The following FLT1 variants were observed in gnomAD, a reference collection of about 807,000 sequenced individuals.
FLT1 encodes the protein vascular endothelial growth factor receptor 1.
Under a neutral mutation model 156.3 loss-of-function variants are expected in FLT1, and 49 were observed. The ratio of observed to expected loss-of-function variants is 0.31; its 90% CI spans 0.25 to 0.40. The LOEUF (loss-of-function observed/expected upper bound fraction) is 0.40, where lower values mean the gene tolerates loss of function less well. Ranked by LOEUF, FLT1 falls within the 10% of genes least tolerant of loss-of-function variation. The probability of loss-of-function intolerance (pLI) is 1.00; values close to 1 mark genes in which losing one functional copy is unlikely to be tolerated. For synonymous variants in FLT1, 594 were observed against 583.8 expected, an observed-to-expected ratio of 1.02 and a Z score of -0.25; for missense variants, 1,322 against 1,637.2, an observed-to-expected ratio of 0.81 and a Z score of 3.32.
chr13:28,326,143 A>T (rs1871670478), intron 20 of FLT1, among the ~76,000 whole-genome samples: 1 of 152,232 alleles, frequency 6.6e-6, no homozygotes, highest in African/African-American at 2.4e-5. Flanking sequence ...AGTGGTGGTG[A>T]CAGTGATGAT....
intron 14 of FLT1, among the ~76,000 whole-genome samples, chr13:28,361,729 A>G (rs1224203235): frequency 6.6e-6 from 1 of 152,238 alleles, no homozygotes; most frequent in African/African-American, 2.4e-5. Context: ...ATAGATGAAA[A>G]TGATTGTTTT....
At position 28,345,470 on chromosome 13, in the gene FLT1, G is replaced by T; in HGVS notation, c.2330C>A (p.Thr777Asn). The T allele has an allele frequency of 1.2e-6, 2 of 1,610,804 alleles. No homozygotes were observed. Among genetic ancestry groups the T allele is most frequent in the Non-Finnish European group, 1.7e-6 (2 of 1,177,362 alleles). The change falls in exon 16 of 30, where the codon ACC becomes AAC. Residue 777 changes from threonine (T) to asparagine (N), a missense_variant. Thr to Asn is a moderately conservative substitution (Grantham distance 65). This residue lies in a region of FLT1 where 991 missense variants were observed against 1,254.8 expected (regional missense o/e 0.79). Transcript: ENST00000282397. ...CCTTTTCATTTTTCGGATAAAGAGGGTTAATAGGAGCCAGAAGAGAGTCGC... is the reference window on the plus strand; with the variant it reads ...CCTTTTCATTTTTCGGATAAAGAGGTTTAATAGGAGCCAGAAGAGAGTCGC... ...VAATLFWLLL[T>N]LFIRKMKRSS...
chr13:28,411,588 A>G (rs1876191824), intron 10 of FLT1, among the ~76,000 whole-genome samples: 1 of 150,458 alleles, frequency 6.6e-6, no homozygotes. Flanking sequence ...AAATAAAACC[A>G]TCCAATATTT....
intron 7 of FLT1, among the ~76,000 whole-genome samples, chr13:28,430,844 T>G: frequency 6.6e-6 from 1 of 152,356 alleles, no homozygotes. Flanking sequence ...CTTTTTCTGT[T>G]TTGTTTATAC....
chr13:28,332,540 A>G (rs1871971192), intron 18 of FLT1, among the ~76,000 whole-genome samples: 1 of 152,126 alleles, frequency 6.6e-6, no homozygotes, highest in Non-Finnish European at 1.5e-5. Flanking sequence ...GATCATCTTC[A>G]GGGTTTTGGA....
intron 13 of FLT1, 72 bp downstream of exon 13, chr13:28,389,724 T>G (rs1874585692): frequency 1.2e-6 from 2 of 1,612,270 alleles, no homozygotes; most frequent in Admixed American, 1.7e-5. Flanking sequence ...TTACTTTGTG[T>G]GGTACAATCA....
At chr13:28,385,359 T>C (rs1186158448) in intron 13 of FLT1, among the ~76,000 whole-genome samples, 1 of 152,220 alleles carries the variant, frequency 6.6e-6, no homozygotes, top group African/African-American at 2.4e-5. Flanking sequence ...GCATAATAGT[T>C]TAGAAGCTAT....
At position 28,317,865 on chromosome 13, in the gene FLT1, G is replaced by A. The variant is rs527410101; in HGVS notation, c.3287-268C>T. On this transcript the variant is annotated intron_variant, in intron 24 of 29. Transcript: ENST00000282397. ...TCCTATGGCTACTTCTGCCTGTGTGGTCAGAGGAAGGGGTGTCGTCTGAAG... is the reference window on the plus strand; with the variant it reads ...TCCTATGGCTACTTCTGCCTGTGTGATCAGAGGAAGGGGTGTCGTCTGAAG... Among the ~76,000 whole-genome samples the A allele has an allele frequency of 1.5e-4, 23 of 152,324 alleles. 1 individual carries two copies. Among genetic ancestry groups the A allele is most frequent in the Middle Eastern group, 6.8e-3 (2 of 294 alleles).
intron 19 of FLT1, among the ~76,000 whole-genome samples, chr13:28,328,617 C>G (rs1871790275): frequency 6.6e-6 from 1 of 152,244 alleles, no homozygotes; most frequent in Non-Finnish European, 1.5e-5. Context: ...CATCTTCCCC[C>G]TAGGTTCCAG....
Position 28,439,676 on chromosome 13 carries a change from G to A in FLT1, c.389-1331C>T, listed in dbSNP as rs1275019523. Reference sequence around the variant, plus strand: ...CCTTGTAAGAAGGCAGTCATGTGAAGACAGACAGGGTGTGCAGACTCGCAC... The same window carrying A: ...CCTTGTAAGAAGGCAGTCATGTGAAAACAGACAGGGTGTGCAGACTCGCAC... On this transcript the variant is annotated intron_variant, in intron 3 of 29. Transcript: ENST00000282397. The surrounding 1 kb of genome is among the most constrained non-coding windows in gnomAD (Gnocchi z 4.1). Among the ~76,000 whole-genome samples, 1 of 152,250 alleles carries A rather than the reference G, an allele frequency of 6.6e-6. No homozygotes were observed. Among genetic ancestry groups the A allele is most frequent in the African/African-American group, 2.4e-5 (1 of 41,474 alleles).
intron 1 of FLT1, among the ~76,000 whole-genome samples, chr13:28,490,873 T>C (rs1881433846): frequency 6.6e-6 from 1 of 152,192 alleles, no homozygotes; most frequent in Admixed American, 6.5e-5. Flanking sequence ...AACTGTGAGA[T>C]CCAAACCAAG....
chr13:28,375,074 G>A (rs559185741), intron 14 of FLT1, among the ~76,000 whole-genome samples: 1 of 152,290 alleles, frequency 6.6e-6, no homozygotes, highest in African/African-American at 2.4e-5. Context: ...AATGCATCCA[G>A]GAAATTTTCT....
At chr13:28,450,617 A>G (rs1878877980) in intron 3 of FLT1, among the ~76,000 whole-genome samples, 2 of 152,170 alleles carry the variant, frequency 1.3e-5, no homozygotes, top group South Asian at 2.1e-4. Context: ...CTAATGGATT[A>G]CTATAAATCT....
chr13:28,309,838 T>C (rs1268463718), intron 27 of FLT1, among the ~76,000 whole-genome samples: 2 of 151,806 alleles, frequency 1.3e-5, no homozygotes, highest in Admixed American at 1.3e-4. Flanking sequence ...GCCCACTGGG[T>C]TTCTTTGAGG....
At chr13:28,306,373 TG>T (rs1431681631) in intron 29 of FLT1, among the ~76,000 whole-genome samples, 1 of 152,166 alleles carries the variant, frequency 6.6e-6, no homozygotes, top group Non-Finnish European at 1.5e-5. Context: ...AGCGTGTCTC[TG>T]TCTGCACCAC....
At chr13:28,341,411 A>C (rs147215183) in intron 16 of FLT1, among the ~76,000 whole-genome samples, 1 of 152,320 alleles carries the variant, frequency 6.6e-6, no homozygotes, top group Non-Finnish European at 1.5e-5. Flanking sequence ...ATCACAGGTC[A>C]ACTTCTGCTC....
At chr13:28,401,817 C>G (rs1875458520) in intron 11 of FLT1, among the ~76,000 whole-genome samples, 1 of 152,176 alleles carries the variant, frequency 6.6e-6, no homozygotes, top group East Asian at 1.9e-4. Context: ...GGATTTGTCT[C>G]ATACAGGACA....
intron 11 of FLT1, among the ~76,000 whole-genome samples, chr13:28,404,396 T>C (rs780255618): frequency 2.6e-5 from 4 of 152,246 alleles, no homozygotes; most frequent in African/African-American, 4.8e-5. Context: ...TGTCTTTGGG[T>C]TAATCATCTT....
At chr13:28,471,885 T>C (rs1265627776) in intron 1 of FLT1, among the ~76,000 whole-genome samples, 1 of 152,116 alleles carries the variant, frequency 6.6e-6, no homozygotes, top group Non-Finnish European at 1.5e-5. Context: ...CACGAAAACA[T>C]TTAAATAAAA....
Sources: allele counts gnomAD v4.1 joint callset (sites outside exome capture counted in the v4.1 genomes callset), GRCh38; gene constraint gnomAD v4.1.1; regional missense constraint gnomAD v4.1.1; non-coding constraint Gnocchi (gnomAD v3.1); transcripts MANE v1.5; gene names NCBI Gene and HGNC (gene_info 2026-07-23, HGNC 2026-07-21).